Variants in LYPD8 observed in about 807,000 individuals in gnomAD.
LYPD8 encodes the protein LY6/PLAUR domain containing 8.
A neutral mutation model predicts 1.7 loss-of-function variants in LYPD8; 8 were observed. The observed-to-expected ratio is 4.58, with a 90% CI of 2.69 to 8.27. The LOEUF (loss-of-function observed/expected upper bound fraction) is 8.27. Ranked by LOEUF, LYPD8 falls within the 30% of genes most tolerant of loss-of-function variation. The probability of loss-of-function intolerance (pLI) is 0.00; values close to 1 mark genes in which losing one functional copy is unlikely to be tolerated. For synonymous variants in LYPD8, 50 were observed against 43.6 expected (o/e 1.15, Z -0.58); for missense variants, 112 against 102.3 (o/e 1.09, Z -0.41).
At chr1:248,749,819 T>C (rs1177060725) in intron 4 of LYPD8, among the ~76,000 whole-genome samples, 1 of 152,070 alleles carries the variant, frequency 6.6e-6, no homozygotes, top group Non-Finnish European at 1.5e-5. Context: ...GAAGTATTTA[T>C]GGAGAAAATG....
rs1662720260 is a variant in LYPD8, at chr1:248,745,897, ATAT to A, written c.338-621_338-619del. ...AAACCATACTCATGATAATACTAAA[ATAT>A]TATTTACTTATTTCACTCTCTTTCT... is the stretch of plus-strand genomic sequence containing the variant. On this transcript the variant is annotated intron_variant, in intron 5 of 6. Coordinates refer to ENST00000590317, the MANE Select transcript of LYPD8 (RefSeq NM_001085474.2). 9.2e-5 allele frequency among the ~76,000 whole-genome samples: 14 copies of A among 152,324 alleles called. No individual in the cohort carries two copies. In the South Asian group the frequency reaches 2.9e-3, roughly 32 times the overall value.
intron 2 of LYPD8, among the ~76,000 whole-genome samples, chr1:248,753,420 CACACACAA>C (rs1662864793): frequency 8.3e-6 from 1 of 119,916 alleles, no homozygotes; most frequent in Non-Finnish European, 1.7e-5. Context: ...CACCACACAC[CACACACAA>C]CACACACAAC....
At position 248,739,616 on chromosome 1, in the gene LYPD8, G is replaced by A; in HGVS notation, c.709C>T (p.Pro237Ser). 2 of 1,551,428 alleles carry A rather than the reference G, an allele frequency of 1.3e-6. No individual in the cohort carries two copies. Among genetic ancestry groups the A allele is most frequent in the Non-Finnish European group, 1.7e-6 (2 of 1,146,988 alleles). Residue 237 changes from proline to serine, a missense_variant, in exon 7 of 7, where the codon CCC becomes TCC. Pro to Ser is a moderately conservative substitution (Grantham distance 74). Transcript: ENST00000590317. This position sits in a 1 kb window ranked among gnomAD's most constrained non-coding sequence, Gnocchi z 4.3. The stretch of plus-strand genomic sequence containing the variant: ...CAAAGTGCAGCCCCAGGACCTCAGG[G>A]CAGCAGTCCCCGAAGAAGGAGGCTG... The part of the protein sequence containing the change: ...LASLLLRGLL[P>S]
chr1:248,752,858 C>A (rs1662836308), intron 2 of LYPD8, among the ~76,000 whole-genome samples: 5 of 76,718 alleles, frequency 6.5e-5, no homozygotes, highest in African/African-American at 1.3e-4. Flanking sequence ...CACACCACAC[C>A]ACACACACAC....
At chr1:248,754,122 ACAC>A (rs1380626099) in intron 2 of LYPD8, among the ~76,000 whole-genome samples, 18 of 144,222 alleles carry the variant, frequency 1.2e-4, no homozygotes, top group African/African-American at 4.2e-4. Context: ...CACCACACAT[ACAC>A]CACACCACAC....
Position 248,739,502 on chromosome 1 carries a change from G to A in LYPD8, c.*109C>T. On this transcript the variant is annotated 3_prime_UTR_variant, in exon 7 of 7. Coordinates refer to ENST00000590317, the MANE Select transcript of LYPD8 (RefSeq NM_001085474.2). The surrounding 1 kb of genome is among the most constrained non-coding windows in gnomAD (Gnocchi z 4.3). ...GGAGACCTGTGACTCCCACTTACTG[G>A]GCAGTTAAACGGGGCAGAGCAGGGA... 6.9e-7 allele frequency: 1 copy of A among 1,443,956 alleles called. No homozygotes were observed. Among genetic ancestry groups the A allele is most frequent in the Non-Finnish European group, 9.3e-7 (1 of 1,071,410 alleles). The allele number at this position is 1,443,956 out of a possible 1,614,324, so 89.4% of individuals were successfully genotyped here.
intron 6 of LYPD8, among the ~76,000 whole-genome samples, chr1:248,743,888 T>G (rs1662672329): frequency 6.6e-6 from 1 of 152,250 alleles, no homozygotes; most frequent in South Asian, 2.1e-4. Flanking sequence ...AAGGAGCGCA[T>G]GGCCTGGACT....
chr1:248,739,470 A>G lies in LYPD8; in HGVS notation c.*141T>C. The G allele has an allele frequency of 8.7e-7, 1 of 1,145,024 alleles. No homozygotes were observed. Among genetic ancestry groups the G allele is most frequent in the South Asian group, 1.5e-5 (1 of 64,966 alleles). 70.9% of individuals were successfully genotyped at this position (1,145,024 alleles called of 1,614,324 possible). ...AATGAAGAACAAGGCAGCTGTCGGC[A>G]TTGCCTGGAGACCTGTGACTCCCAC... is the stretch of plus-strand genomic sequence containing the variant. On this transcript the variant is annotated 3_prime_UTR_variant, in exon 7 of 7. Coordinates refer to ENST00000590317, the MANE Select transcript of LYPD8 (RefSeq NM_001085474.2). The surrounding 1 kb of genome is among the most constrained non-coding windows in gnomAD (Gnocchi z 4.3).
At position 248,739,936 on chromosome 1, in the gene LYPD8, G is replaced by C; in HGVS notation, c.476-87C>G. 2 of 1,503,744 alleles carry C rather than the reference G, an allele frequency of 1.3e-6. No individual in the cohort carries two copies. The highest frequency in any genetic ancestry group is 1.8e-6 in the Non-Finnish European group (2 of 1,119,572). 93.2% of individuals were successfully genotyped at this position (1,503,744 alleles called of 1,614,324 possible). ...GCTCTTAGTTCTTCACCTGCAGCAC[G>C]GTGGCCCGGTGACCAGCAAGAGCTG... On this transcript the variant is annotated intron_variant, in intron 6 of 6. Coordinates refer to ENST00000590317, the MANE Select transcript of LYPD8 (RefSeq NM_001085474.2). The surrounding 1 kb of genome is among the most constrained non-coding windows in gnomAD (Gnocchi z 4.3).
intron 6 of LYPD8, among the ~76,000 whole-genome samples, chr1:248,740,881 T>C (rs1490828529): frequency 6.6e-6 from 1 of 152,098 alleles, no homozygotes; most frequent in Admixed American, 6.5e-5. Flanking sequence ...GTAATCATGG[T>C]ACTTTGGGAG....
At chr1:248,745,061 T>C (rs1662706914) in intron 6 of LYPD8, 81 bp downstream of exon 6, 1 of 396,800 alleles carries the variant, frequency 2.5e-6, no homozygotes, top group Admixed American at 4.4e-5. Flanking sequence ...GGTCCTTCTG[T>C]GTTAACCCAG....
Position 248,739,808 on chromosome 1 carries a change from C to G in LYPD8, c.517G>C (p.Val173Leu), listed in dbSNP as rs782181211. 6.4e-7 allele frequency: 1 copy of G among 1,551,720 alleles called. No individual in the cohort carries two copies. The highest frequency in any genetic ancestry group is 8.7e-7 in the Non-Finnish European group (1 of 1,146,994). ...KSLVLKGCSNVSNATCQFLSG... is the reference protein window; with the variant it reads ...KSLVLKGCSNLSNATCQFLSG... ...AGGAACTGACAGGTGGCGTTACTGA[C>G]GTTGGAACAGCCTTTCAGCACGAGA... Residue 173 changes from valine to leucine, a missense_variant, in exon 7 of 7, where the codon GTC (valine) becomes CTC (leucine). By Grantham distance (32) the Val-to-Leu change is conservative. Transcript: ENST00000590317. This position sits in a 1 kb window ranked among gnomAD's most constrained non-coding sequence, Gnocchi z 4.3.
intron 6 of LYPD8, among the ~76,000 whole-genome samples, chr1:248,744,218 T>C (rs1662680808): frequency 6.6e-6 from 1 of 152,312 alleles, no homozygotes; most frequent in Admixed American, 6.5e-5. Context: ...TTTCCCCATT[T>C]GTTTCCTGTG....
intron 2 of LYPD8, among the ~76,000 whole-genome samples, chr1:248,753,818 A>C (rs1458486155): frequency 6.9e-6 from 1 of 143,980 alleles, no homozygotes; most frequent in Non-Finnish European, 1.5e-5. Flanking sequence ...CACCACACAC[A>C]CCACATAACA....
chr1:248,750,146 G>C (rs1303927140), intron 4 of LYPD8, among the ~76,000 whole-genome samples: 1 of 152,198 alleles, frequency 6.6e-6, no homozygotes, highest in Non-Finnish European at 1.5e-5. Context: ...TTGAATGAAG[G>C]AAAGTGTGTT....
At chr1:248,745,779 A>G (rs1304355761) in intron 5 of LYPD8, among the ~76,000 whole-genome samples, 2 of 152,256 alleles carry the variant, frequency 1.3e-5, no homozygotes, top group Non-Finnish European at 2.9e-5. Flanking sequence ...CTGTTTTTCA[A>G]AAAGAGAGCT....
intron 2 of LYPD8, among the ~76,000 whole-genome samples, chr1:248,752,913 CACCAA>C: frequency 1.0e-5 from 1 of 98,290 alleles, no homozygotes; most frequent in Non-Finnish European, 2.0e-5. Flanking sequence ...ACACCCCACA[CACCAA>C]CACACCACAT....
chr1:248,745,035 G>C (rs1332760567), intron 6 of LYPD8, 107 bp downstream of exon 6: 4 of 394,788 alleles, frequency 1.0e-5, no homozygotes, highest in African/African-American at 8.2e-5. Flanking sequence ...TATCCCCCTT[G>C]TCCCACGACT....
intron 6 of LYPD8, 173 bp from the exon 7 acceptor site, chr1:248,740,022 C>T (rs571758265): frequency 3.5e-6 from 1 of 283,762 alleles, no homozygotes; most frequent in Non-Finnish European, 5.3e-6. Context: ...AAGAACACCA[C>T]GCGGTAATGG....
Sources: gnomAD v4.1 joint callset for allele counts (sites outside exome capture counted in the v4.1 genomes callset) on GRCh38, gnomAD v4.1.1 for gene constraint, Gnocchi (gnomAD v3.1) non-coding constraint, MANE v1.5 for transcripts, NCBI Gene and HGNC (gene_info 2026-07-23, HGNC 2026-07-21) for gene names.